GCNT2: variants seen among roughly 807,000 people sequenced by gnomAD.
The protein encoded by GCNT2 is glucosaminyl (N-acetyl) transferase 2 (I blood group).
GCNT2 carries 34 observed loss-of-function variants against 34.2 expected under a neutral mutation model. That is an observed-to-expected ratio of 1.00 (90% confidence interval 0.76 to 1.32). The LOEUF (loss-of-function observed/expected upper bound fraction) is 1.32, where lower values mean the gene tolerates loss of function less well. Among genes scored for constraint, GCNT2 ranks in the 40% most tolerant of loss-of-function variants. The pLI, the probability that GCNT2 is intolerant of heterozygous loss-of-function variation, is 0.00. For synonymous variants in GCNT2, 212 were observed against 188.0 expected, an observed-to-expected ratio of 1.13 and a Z score of -1.04; for missense variants, 584 against 489.4, an observed-to-expected ratio of 1.19 and a Z score of -1.82.
intron 3 of GCNT2, among the ~76,000 whole-genome samples, chr6:10,615,539 C>T (rs1034153766): frequency 1.3e-5 from 2 of 152,052 alleles, no homozygotes; most frequent in Non-Finnish European, 2.9e-5. Context: ...GTCTGAAACT[C>T]CTGGATTCAA....
chr6:10,528,313 G>A (rs369542167), intron 2 of GCNT2: 1 of 158,386 alleles, frequency 6.3e-6, no homozygotes, highest in Admixed American at 5.9e-5. Context: ...GAAAAAGACA[G>A]GGTTAAGCAA....
intron 3 of GCNT2, chr6:10,530,049 G>A (rs1308560067): frequency 1.7e-5 from 9 of 539,626 alleles, no homozygotes; most frequent in Middle Eastern, 5.0e-4. Flanking sequence ...ACAAAAGACC[G>A]AAGGAACACT....
At chr6:10,530,534 T>C (rs975990900) in intron 3 of GCNT2, among the ~76,000 whole-genome samples, 3 of 152,070 alleles carry the variant, frequency 2.0e-5, no homozygotes, top group South Asian at 2.1e-4. Context: ...GATACAACTT[T>C]CAAATTTTTT....
chr6:10,587,597 C>A (rs1561820690), intron 3 of GCNT2, among the ~76,000 whole-genome samples: 1 of 152,312 alleles, frequency 6.6e-6, no homozygotes, highest in South Asian at 2.1e-4. Flanking sequence ...TTTTATTGGA[C>A]ATTCCAATTT....
chr6:10,548,841 C>G (rs547974434), intron 3 of GCNT2, among the ~76,000 whole-genome samples: 1 of 152,044 alleles, frequency 6.6e-6, no homozygotes, highest in African/African-American at 2.4e-5. Flanking sequence ...TCACTTGCAA[C>G]CTCCACCTCC....
chr6:10,558,764 C>T (rs754665654), intron 3 of GCNT2, among the ~76,000 whole-genome samples: 4 of 152,234 alleles, frequency 2.6e-5, no homozygotes, highest in Non-Finnish European at 5.9e-5. Flanking sequence ...AATACCATGC[C>T]TGGTGTTTGA....
intron 3 of GCNT2, among the ~76,000 whole-genome samples, chr6:10,574,544 A>G (rs1763703923): frequency 6.6e-6 from 1 of 152,210 alleles, no homozygotes; most frequent in South Asian, 2.1e-4. Flanking sequence ...GGAAAAACAC[A>G]GAAATTATAG....
chr6:10,554,714 G>T (rs1762617825), intron 3 of GCNT2, among the ~76,000 whole-genome samples: 1 of 152,094 alleles, frequency 6.6e-6, no homozygotes, highest in African/African-American at 2.4e-5. Context: ...ATAAATTTTA[G>T]ATCATTCTCT....
chr6:10,541,191 A>G (rs556218242), intron 3 of GCNT2, among the ~76,000 whole-genome samples: 1 of 152,118 alleles, frequency 6.6e-6, no homozygotes, highest in South Asian at 2.1e-4. Flanking sequence ...CACCAGCCCC[A>G]GTATGTGTTG....
At chr6:10,539,178 C>CTT (rs1165356992) in intron 3 of GCNT2, among the ~76,000 whole-genome samples, 3 of 69,454 alleles carry the variant, frequency 4.3e-5, no homozygotes, top group African/African-American at 1.4e-4. Flanking sequence ...AGCTCACCGT[C>CTT]TCTTTTTTTT....
chr6:10,576,047 G>A (rs1175702328), intron 3 of GCNT2, among the ~76,000 whole-genome samples: 3 of 152,142 alleles, frequency 2.0e-5, no homozygotes, highest in Non-Finnish European at 4.4e-5. Flanking sequence ...TCACACGGAC[G>A]TGCATGAAAA....
chr6:10,528,825 C>A lies in GCNT2; in HGVS notation c.-87C>A. The A allele has an allele frequency of 9.1e-7, 1 of 1,099,700 alleles. No homozygotes were observed. Among genetic ancestry groups the A allele is most frequent in the Non-Finnish European group, 1.4e-6 (1 of 718,052 alleles). 68.1% of individuals were successfully genotyped at this position (1,099,700 alleles called of 1,614,324 possible). ...GCTTCAGCCATCACGAGGATGATTT[C>A]GGAACCTGGAGAAAATGTAAGTTAA... is the stretch of plus-strand genomic sequence containing the variant. On this transcript the variant is annotated 5_prime_UTR_variant, in exon 3 of 5. It introduces an in-frame stop codon into an upstream open reading frame of the 5' UTR. Transcript: ENST00000495262.
At chr6:10,611,391 C>T (rs1375895904) in intron 3 of GCNT2, among the ~76,000 whole-genome samples, 1 of 148,470 alleles carries the variant, frequency 6.7e-6, no homozygotes, top group African/African-American at 2.5e-5. Context: ...AGTGCAGTGA[C>T]GCGATCTCAG....
At chr6:10,556,217 G>A in intron 3 of GCNT2, 4 of 1,432,362 alleles carry the variant, frequency 2.8e-6, no homozygotes, top group Non-Finnish European at 3.6e-6. Flanking sequence ...GGAGGTTTGA[G>A]AGAGGCGGGA....
intron 3 of GCNT2, among the ~76,000 whole-genome samples, chr6:10,585,510 A>G (rs987210281): frequency 3.3e-5 from 5 of 152,190 alleles, no homozygotes; most frequent in African/African-American, 1.2e-4. Context: ...CTAGCCAGAA[A>G]AAACAGAGCC....
At chr6:10,548,500 G>A (rs970419502) in intron 3 of GCNT2, among the ~76,000 whole-genome samples, 2 of 152,328 alleles carry the variant, frequency 1.3e-5, no homozygotes, top group South Asian at 2.1e-4. Context: ...AGCTATCAGC[G>A]TCATCACTCA....
chr6:10,568,625 T>C (rs1763388438), intron 3 of GCNT2, among the ~76,000 whole-genome samples: 2 of 152,222 alleles, frequency 1.3e-5, no homozygotes, highest in South Asian at 2.1e-4. Context: ...CAACAACTTA[T>C]TGAATTATTC....
At chr6:10,587,624 A>G (rs1355412278) in intron 3 of GCNT2, among the ~76,000 whole-genome samples, 1 of 152,174 alleles carries the variant, frequency 6.6e-6, no homozygotes, top group Non-Finnish European at 1.5e-5. Flanking sequence ...TCTTGTTTTT[A>G]TATACTGTGC....
At chr6:10,548,900 AG>A (rs55657874) in intron 3 of GCNT2, among the ~76,000 whole-genome samples, 160 of 152,320 alleles carry the variant, frequency 1.1e-3, no homozygotes, top group African/African-American at 3.6e-3. Context: ...CTCGGATTAC[AG>A]GCGCATGCCA....
Sources: gnomAD v4.1 joint callset for allele counts (sites outside exome capture counted in the v4.1 genomes callset) on GRCh38, gnomAD v4.1.1 for gene constraint, MANE v1.5 for transcripts, NCBI Gene and HGNC (gene_info 2026-07-23, HGNC 2026-07-21) for gene names.